RABGAP1: variants seen among roughly 807,000 people sequenced by gnomAD.
The protein encoded by RABGAP1 is RAB GTPase activating protein 1.
RABGAP1 carries 23 observed loss-of-function variants against 137.6 expected under a neutral mutation model. The ratio of observed to expected loss-of-function variants is 0.17; its 90% confidence interval spans 0.12 to 0.24. RABGAP1 has a LOEUF of 0.24. Among genes scored for constraint, RABGAP1 ranks in the 10% least tolerant of loss-of-function variants. RABGAP1 has a pLI of 1.00. For synonymous variants in RABGAP1, 451 were observed against 450.7 expected (o/e 1.00, Z -0.01); for missense variants, 906 against 1,275.8 (o/e 0.71, Z 4.42).
rs1449081843 is a variant in RABGAP1, at chr9:122,989,309, TCAGA to T, written c.606_609del (p.Asn204LeufsTer3). The T allele has an allele frequency of 1.2e-6, 2 of 1,613,042 alleles. No homozygotes were observed. The highest frequency in any genetic ancestry group is 1.7e-5 in the Admixed American group (1 of 60,004). ...TTTCTCTGAACAGACTCTTAGATCC[TCAGA>T]CAAACACTGAAATAGCAAACTACCC... On this transcript the variant is annotated frameshift_variant, in exon 5 of 26. Coordinates refer to ENST00000373647, the MANE Select transcript of RABGAP1 (RefSeq NM_012197.4). LOFTEE classifies it high-confidence loss of function.
chr9:122,955,242 TTACCCTAAATCAG>T (rs1237957788), intron 1 of RABGAP1, among the ~76,000 whole-genome samples: 2 of 152,220 alleles, frequency 1.3e-5, no homozygotes, highest in Non-Finnish European at 2.9e-5. Flanking sequence ...ATAATTTTCT[TTACCCTAAATCAG>T]TACTTATTAG....
chr9:122,944,871 C>T (rs886656826), intron 1 of RABGAP1, among the ~76,000 whole-genome samples: 66 of 152,074 alleles, frequency 4.3e-4, no homozygotes, highest in African/African-American at 1.6e-3. Context: ...GCCACCGCGC[C>T]CGGCCTAAAT....
rs114714739 is a variant in RABGAP1 at position 123,068,656 on chromosome 9, A to G, written c.1909-1694A>G. Among the ~76,000 whole-genome samples, 408 of 150,242 alleles carry G rather than the reference A, an allele frequency of 2.7e-3. 2 individuals carry two copies. The highest frequency in any genetic ancestry group is 9.4e-3 in the African/African-American group (385 of 40,842). On this transcript the variant is annotated intron_variant, in intron 14 of 25. Coordinates refer to ENST00000373647, the MANE Select transcript of RABGAP1 (RefSeq NM_012197.4). The stretch of plus-strand genomic sequence containing the variant: ...TTGCACATCTTGTCTCTGGAAAAGT[A>G]TGTATGTTTCTCATCCTGTAGCCTT...
intron 13 of RABGAP1, among the ~76,000 whole-genome samples, chr9:123,027,627 C>T (rs553353571): frequency 6.6e-5 from 10 of 152,266 alleles, no homozygotes; most frequent in African/African-American, 2.4e-4. Context: ...AAAAGGAGAT[C>T]GATTTAGCAA....
intron 12 of RABGAP1, among the ~76,000 whole-genome samples, chr9:123,019,888 C>T (rs1230716774): frequency 6.6e-6 from 1 of 151,898 alleles, no homozygotes; most frequent in Non-Finnish European, 1.5e-5. Context: ...TTCACCATGG[C>T]GCCCAGGCTG....
At chr9:122,943,160 C>T (rs1029491614) in intron 1 of RABGAP1, among the ~76,000 whole-genome samples, 1 of 148,236 alleles carries the variant, frequency 6.7e-6, no homozygotes, top group African/African-American at 2.5e-5. Context: ...CTGCAACCTC[C>T]GCCTCCTGGG....
intron 14 of RABGAP1, among the ~76,000 whole-genome samples, chr9:123,067,851 C>T (rs950549192): frequency 9.2e-5 from 14 of 152,188 alleles, no homozygotes; most frequent in South Asian, 2.1e-4. Flanking sequence ...ATTCCTTTAT[C>T]GTCCATCAGC....
At chr9:123,073,777 C>A in intron 16 of RABGAP1, 100 bp downstream of exon 16, 1 of 1,465,046 alleles carries the variant, frequency 6.8e-7, no homozygotes, top group Non-Finnish European at 9.3e-7. Flanking sequence ...ATTGCCTTAG[C>A]GATCCGTGGC....
chr9:123,052,775 G>GA (rs896632037), intron 13 of RABGAP1, among the ~76,000 whole-genome samples: 2 of 151,780 alleles, frequency 1.3e-5, no homozygotes, highest in South Asian at 2.1e-4. Context: ...ACCAAAAAAA[G>GA]AAAAAAAGAA....
At chr9:123,024,585 G>A (rs1466947556) in intron 13 of RABGAP1, among the ~76,000 whole-genome samples, 1 of 151,930 alleles carries the variant, frequency 6.6e-6, no homozygotes, top group African/African-American at 2.4e-5. Flanking sequence ...GATTACAGGC[G>A]CATGCCACCG....
intron 13 of RABGAP1, among the ~76,000 whole-genome samples, chr9:123,026,949 T>C (rs932972150): frequency 6.6e-6 from 1 of 152,190 alleles, no homozygotes; most frequent in African/African-American, 2.4e-5. Flanking sequence ...TGTTTTTCTT[T>C]CCTTCCATCC....
chr9:123,015,795 G>C (rs959377536), intron 12 of RABGAP1, among the ~76,000 whole-genome samples, 159 bp downstream of exon 12: 2 of 152,176 alleles, frequency 1.3e-5, no homozygotes, highest in Non-Finnish European at 2.9e-5. Context: ...TAAAAGTAGA[G>C]AATTGAAATC....
intron 21 of RABGAP1, among the ~76,000 whole-genome samples, chr9:123,097,207 T>TGGA (rs1249316628): frequency 6.6e-6 from 1 of 151,578 alleles, no homozygotes; most frequent in Non-Finnish European, 1.5e-5. Context: ...AAGACTGGAG[T>TGGA]GGAGAGTGGC....
At chr9:122,998,537 A>T (rs1351294958) in intron 9 of RABGAP1, 60 bp from the exon 10 acceptor site, 1 of 1,261,516 alleles carries the variant, frequency 7.9e-7, no homozygotes, top group African/African-American at 1.5e-5. Flanking sequence ...ATGGAATCTT[A>T]TGAGCAAATA....
intron 1 of RABGAP1, among the ~76,000 whole-genome samples, chr9:122,943,034 C>CA (rs75317911): frequency 3.4e-5 from 5 of 145,598 alleles, no homozygotes; most frequent in African/African-American, 1.3e-4. Flanking sequence ...AAAAAAACAA[C>CA]AAAAAATCTG....
At chr9:123,003,949 A>C (rs1054828060) in intron 10 of RABGAP1, among the ~76,000 whole-genome samples, 1 of 152,254 alleles carries the variant, frequency 6.6e-6, no homozygotes, top group African/African-American at 2.4e-5. Flanking sequence ...TAAATGAAGA[A>C]GCTGATATCT....
chr9:123,082,855 C>T (rs1012255837), intron 19 of RABGAP1, among the ~76,000 whole-genome samples: 1 of 152,180 alleles, frequency 6.6e-6, no homozygotes, highest in Non-Finnish European at 1.5e-5. Flanking sequence ...CAGCATTTTC[C>T]CTTGGGGGAT....
At position 123,070,152 on chromosome 9, in the gene RABGAP1, G is replaced by A. The variant is rs940052490; in HGVS notation, c.1909-198G>A. ...TCCCTACTCCTTCGCCACAGGAAAT[G>A]CAGTGGTGATAGCTGTATTCATTGT... On this transcript the variant is annotated intron_variant, in intron 14 of 25. Coordinates refer to ENST00000373647, the MANE Select transcript of RABGAP1 (RefSeq NM_012197.4). The surrounding 1 kb of genome is among the most constrained non-coding windows in gnomAD (Gnocchi z 4.4). Among the ~76,000 whole-genome samples, 22 of 152,140 alleles carry A rather than the reference G, an allele frequency of 1.4e-4. No homozygotes were observed. Among genetic ancestry groups the A allele is most frequent in the African/African-American group, 4.8e-4 (20 of 41,446 alleles).
chr9:122,970,366 C>G (rs1330160763), intron 2 of RABGAP1, among the ~76,000 whole-genome samples: 1 of 152,184 alleles, frequency 6.6e-6, no homozygotes, highest in East Asian at 1.9e-4. Context: ...GCCAGGACTT[C>G]AAGGCTGCAG....
Sources: gnomAD v4.1 joint callset for allele counts (sites outside exome capture counted in the v4.1 genomes callset) on GRCh38, gnomAD v4.1.1 for gene constraint, Gnocchi (gnomAD v3.1) non-coding constraint, MANE v1.5 for transcripts, NCBI Gene and HGNC (gene_info 2026-07-23, HGNC 2026-07-21) for gene names.